POLK: variants seen among roughly 807,000 people sequenced by gnomAD.
POLK encodes polymerase (DNA directed) kappa.
Under a neutral mutation model 94.0 loss-of-function variants are expected in POLK, and 76 were observed. The observed-to-expected ratio is 0.81, with a 90% confidence interval of 0.67 to 0.98. POLK has a LOEUF of 0.98. POLK is among the 50% of genes least tolerant of loss of function. The probability of loss-of-function intolerance (pLI) is 0.00; values close to 1 mark genes in which losing one functional copy is unlikely to be tolerated. For missense variants in POLK, 954 were observed against 1,010.1 expected, an observed-to-expected ratio of 0.94 and a Z score of 0.75; for synonymous variants, 349 against 325.4, an observed-to-expected ratio of 1.07 and a Z score of -0.78.
Position 75,537,487 on chromosome 5 carries a change from G to A in POLK, c.-13-9523G>A, listed in dbSNP as rs114665897. On this transcript the variant is annotated intron_variant, in intron 1 of 14. Transcript: ENST00000241436. ...CCCTGCTGCCTTGATAGATCTCAAC[G>A]TTGTTTCTCAGATGATCAGCTTGCA... Among the ~76,000 whole-genome samples the A allele has an allele frequency of 3.9e-3, 593 of 152,276 alleles. 1 individual carries two copies. The highest frequency in any genetic ancestry group is 0.012 in the African/African-American group (498 of 41,560).
intron 1 of POLK, among the ~76,000 whole-genome samples, chr5:75,520,061 C>T (rs996999204): frequency 1.4e-4 from 22 of 151,732 alleles, no homozygotes; most frequent in Non-Finnish European, 2.5e-4. Context: ...CTGTGGTTAC[C>T]GTGAGGTTTA....
intron 9 of POLK, among the ~76,000 whole-genome samples, chr5:75,586,075 A>C (rs1032630072): frequency 1.3e-5 from 2 of 152,190 alleles, no homozygotes; most frequent in Non-Finnish European, 2.9e-5. Flanking sequence ...TTTTTAATCC[A>C]AAAATTTTTT....
Position 75,569,355 on chromosome 5 carries a change from A to G in POLK, c.271A>G (p.Met91Val), listed in dbSNP as rs546760534. The change falls in exon 4 of 15, where the codon ATG becomes GTG. Residue 91 changes from methionine to valine, a missense_variant. Met to Val is a conservative substitution (Grantham distance 21, BLOSUM62 1). Coordinates refer to ENST00000241436, the Ensembl canonical transcript of POLK. Reference sequence around the variant, plus strand: ...AAAAATTAAGGTTGACAGATTTGCAATGGAATTAGAACAAAGCCGAAATTT... The same window carrying G: ...AAAAATTAAGGTTGACAGATTTGCAGTGGAATTAGAACAAAGCCGAAATTT... The G allele has an allele frequency of 6.2e-6, 10 of 1,607,342 alleles. No homozygotes were observed. In the South Asian group the frequency reaches 6.7e-5, roughly 11 times the overall value.
chr5:75,544,506 G>A (rs1318017650), intron 1 of POLK, among the ~76,000 whole-genome samples: 2 of 152,262 alleles, frequency 1.3e-5, no homozygotes, highest in East Asian at 3.9e-4. Context: ...ACCAGGCATG[G>A]TGGTGTGCAC....
chr5:75,552,358 G>GT lies in POLK; in HGVS notation c.136-110dup, dbSNP rs1283805502. ...CCTAGCTAGTAAGTAGTAGAGCTAA[G>GT]TTTTAAATTTAATCTTCTGTTTCCT... On this transcript the variant is annotated intron_variant, in intron 2 of 14. Coordinates refer to ENST00000241436, the Ensembl canonical transcript of POLK. 78 of 951,722 alleles carry GT rather than the reference G, an allele frequency of 8.2e-5. No individual in the cohort carries two copies. In the Middle Eastern group the frequency reaches 2.0e-3, roughly 24 times the overall value. 59.0% of individuals were successfully genotyped at this position (951,722 alleles called of 1,614,324 possible).
chr5:75,603,413 T>C (rs1773343887), downstream of POLK, among the ~76,000 whole-genome samples: 1 of 141,704 alleles, frequency 7.1e-6, no homozygotes, highest in African/African-American at 2.8e-5. Context: ...ATTCCCATAA[T>C]AGCACTCTCA....
At chr5:75,516,142 A>G (rs1366984173) in intron 1 of POLK, among the ~76,000 whole-genome samples, 3 of 152,204 alleles carry the variant, frequency 2.0e-5, no homozygotes, top group South Asian at 2.1e-4. Context: ...TCAGATGGAT[A>G]GTTTGCAGAC....
intron 6 of POLK, among the ~76,000 whole-genome samples, chr5:75,577,987 T>A (rs5744657): frequency 6.6e-6 from 1 of 152,180 alleles, no homozygotes; most frequent in Non-Finnish European, 1.5e-5. Context: ...CTGATGTCAC[T>A]TTGTATAAAA....
intron 4 of POLK, among the ~76,000 whole-genome samples, chr5:75,572,956 G>A (rs903780718): frequency 5.9e-5 from 9 of 152,160 alleles, no homozygotes; most frequent in Admixed American, 1.3e-4. Flanking sequence ...TTAGTGTGGC[G>A]ATTCCTCAGG....
intron 5 of POLK, among the ~76,000 whole-genome samples, 167 bp from the exon 6 acceptor site, chr5:75,576,613 A>G (rs768789533): frequency 2.2e-4 from 34 of 152,176 alleles, no homozygotes; most frequent in Non-Finnish European, 4.7e-4. Flanking sequence ...AATTTTGAAA[A>G]TATTCCCTGG....
At chr5:75,604,414 T>C (rs572629039), downstream of POLK, among the ~76,000 whole-genome samples, 2 of 152,304 alleles carry the variant, frequency 1.3e-5, no homozygotes, top group South Asian at 4.1e-4. Context: ...GGTCTCACCG[T>C]CACCCAGGCT....
chr5:75,540,792 G>A lies in POLK; in HGVS notation c.-13-6218G>A, dbSNP rs940043437. On this transcript the variant is annotated intron_variant, in intron 1 of 14. Transcript: ENST00000241436. The stretch of plus-strand genomic sequence containing the variant: ...TTTTATATAGATAGGTATTTTTGCC[G>A]ACATCTAGTGCCCAAAGAAACTCCC... 3.3e-5 allele frequency among the ~76,000 whole-genome samples: 5 copies of A among 151,966 alleles called. 1 individual carries two copies. Among genetic ancestry groups the A allele is most frequent in the African/African-American group, 7.3e-5 (3 of 41,346 alleles).
At chr5:75,597,701 T>A (rs1181692344) in intron 13 of POLK, 46 bp from the exon 14 acceptor site, 5 of 1,099,078 alleles carry the variant, frequency 4.5e-6, no homozygotes, top group African/African-American at 1.6e-5. Context: ...TTTTAATTAT[T>A]TCATATTATT....
intron 6 of POLK, among the ~76,000 whole-genome samples, chr5:75,577,426 T>G (rs534916437): frequency 5.6e-4 from 86 of 152,344 alleles, no homozygotes; most frequent in African/African-American, 1.6e-3. Flanking sequence ...TCCCACTCCC[T>G]TCTTTGCCTT....
chr5:75,575,856 TAGAC>T (rs5744649), intron 5 of POLK, among the ~76,000 whole-genome samples: 1,853 of 152,280 alleles, frequency 0.012, 37 homozygotes, highest in African/African-American at 0.042. Context: ...CATGATACAG[TAGAC>T]AGTTTTAAAA....
At chr5:75,588,107 A>T (rs1007114118) in intron 10 of POLK, among the ~76,000 whole-genome samples, 2 of 152,110 alleles carry the variant, frequency 1.3e-5, no homozygotes, top group South Asian at 4.1e-4. Flanking sequence ...GAAAAAAAAA[A>T]TCCAAAAGCA....
rs1223184034 is a variant in POLK, at chr5:75,579,629, A to C, written c.695-1580A>C. On this transcript the variant is annotated intron_variant, in intron 6 of 14. Transcript: ENST00000241436. Reference sequence around the variant, plus strand: ...CACCTCAGCTTCCCAAAGTGCTGGGATTACAGACGTGAGCCACCTTGCCTG... The same window carrying C: ...CACCTCAGCTTCCCAAAGTGCTGGGCTTACAGACGTGAGCCACCTTGCCTG... Among the ~76,000 whole-genome samples, 3 of 151,982 alleles carry C rather than the reference A, an allele frequency of 2.0e-5. No individual in the cohort carries two copies. The East Asian group carries it at 5.8e-4, about 29-fold the overall frequency.
intron 1 of POLK, among the ~76,000 whole-genome samples, chr5:75,532,426 G>A (rs1423252713): frequency 6.7e-6 from 1 of 150,344 alleles, no homozygotes; most frequent in Non-Finnish European, 1.5e-5. Flanking sequence ...CTTTATTATG[G>A]CTATATAGTA....
At chr5:75,574,541 C>T (rs1771761965) in intron 5 of POLK, among the ~76,000 whole-genome samples, 1 of 152,126 alleles carries the variant, frequency 6.6e-6, no homozygotes, top group African/African-American at 2.4e-5. Flanking sequence ...ACATCAAATA[C>T]TTTTAGACTG....
Sources: gnomAD v4.1 joint callset for allele counts (sites outside exome capture counted in the v4.1 genomes callset) on GRCh38, gnomAD v4.1.1 for gene constraint, MANE v1.5 for transcripts, NCBI Gene and HGNC (gene_info 2026-07-23, HGNC 2026-07-21) for gene names.